Variants in RYK observed in about 807,000 individuals in gnomAD.
RYK encodes inactive tyrosine-protein kinase RYK.
In RYK, 21 loss-of-function variants were observed where a neutral mutation model predicts 70.2. The ratio of observed to expected loss-of-function variants is 0.30; its 90% CI spans 0.21 to 0.43. RYK has a LOEUF of 0.43. Ranked by LOEUF, RYK falls within the 20% of genes least tolerant of loss-of-function variation. The pLI is 1.00. For synonymous variants in RYK, 267 were observed against 278.0 expected (o/e 0.96, Z 0.39); for missense variants, 604 against 753.3 (o/e 0.80, Z 2.32).
intron 2 of RYK, among the ~76,000 whole-genome samples, chr3:134,217,052 A>C (rs2014577582): frequency 6.6e-6 from 1 of 152,182 alleles, no homozygotes; most frequent in Non-Finnish European, 1.5e-5. Context: ...TAAGAGTAAG[A>C]CAGCTTCAAG....
At chr3:134,235,922 A>C (rs911829814) in intron 1 of RYK, among the ~76,000 whole-genome samples, 2 of 152,132 alleles carry the variant, frequency 1.3e-5, no homozygotes, top group African/African-American at 2.4e-5. Context: ...GTGACTGAGA[A>C]GGAAGGTAGG....
At chr3:134,180,395 C>T (rs755976948) in intron 10 of RYK, 2 of 152,130 alleles carry the variant, frequency 1.3e-5, no homozygotes, top group Non-Finnish European at 2.9e-5. Context: ...CTTCAATACG[C>T]GTACAATCCG....
intron 13 of RYK, among the ~76,000 whole-genome samples, chr3:134,166,257 C>T (rs1053955243): frequency 6.6e-6 from 1 of 152,146 alleles, no homozygotes; most frequent in Non-Finnish European, 1.5e-5. Context: ...AGCTCCCTCA[C>T]CCCTTATGCC....
At chr3:134,182,447 C>G (rs1487007751) in intron 10 of RYK, among the ~76,000 whole-genome samples, 1 of 151,940 alleles carries the variant, frequency 6.6e-6, no homozygotes, top group Non-Finnish European at 1.5e-5. Flanking sequence ...TGGACATGCA[C>G]TAAAAGTACT....
chr3:134,249,163 C>G (rs190926278), intron 1 of RYK, among the ~76,000 whole-genome samples: 178 of 152,256 alleles, frequency 1.2e-3, no homozygotes, highest in African/African-American at 4.0e-3. Flanking sequence ...CCAAGTACTA[C>G]CCCAAGTAGA....
At position 134,209,804 on chromosome 3, in the gene RYK, A is replaced by C. The variant is rs1363989735; in HGVS notation, c.480T>G (p.Thr160=). ...TCATAACTTCAGAATCTACTTTGCC[A>C]GTACAGGAAAGCTCTACCCGAAACA... ...LSVFRVELSC[T]GKVDSEVMIL... Residue 160 remains threonine, a synonymous_variant, in exon 4 of 15, where the codon ACT becomes ACG. Transcript: ENST00000623711. The C allele has an allele frequency of 6.6e-7, 1 of 1,506,408 alleles. No homozygotes were observed. Among genetic ancestry groups the C allele is most frequent in the South Asian group, 1.4e-5 (1 of 72,072 alleles). The allele number at this position is 1,506,408 out of a possible 1,614,324, so 93.3% of individuals were successfully genotyped here. A position where few individuals can be genotyped will look rare whatever the true frequency, so the allele number is the denominator to read the frequency against.
At chr3:134,230,860 G>A (rs1271638026) in intron 1 of RYK, among the ~76,000 whole-genome samples, 9 of 152,074 alleles carry the variant, frequency 5.9e-5, no homozygotes, top group Non-Finnish European at 8.8e-5. Context: ...TGGAAAAAAG[G>A]AATTAACACT....
rs1236974909 is a variant in RYK at position 134,246,339 on chromosome 3, CACACAG to C, written c.232+4078_232+4083del. Among the ~76,000 whole-genome samples, 40 of 139,630 alleles carry C rather than the reference CACACAG, an allele frequency of 2.9e-4. No individual in the cohort carries two copies. In the South Asian group the frequency reaches 5.3e-3, roughly 19 times the overall value. 91.6% of individuals were successfully genotyped at this position (139,630 alleles called of 152,430 possible). ...ACACACACACACACACACACACACA[CACACAG>C]AGAGAGAGAAAATAAAGGGTGGGAA... is the stretch of plus-strand genomic sequence containing the variant. On this transcript the variant is annotated intron_variant, in intron 1 of 14. Transcript: ENST00000623711.
At chr3:134,214,043 G>C (rs1054809468) in intron 2 of RYK, among the ~76,000 whole-genome samples, 1 of 152,212 alleles carries the variant, frequency 6.6e-6, no homozygotes, top group African/African-American at 2.4e-5. Flanking sequence ...CTGGCCCCAA[G>C]TGATCCACCT....
At chr3:134,197,058 A>C (rs1325062638) in intron 6 of RYK, among the ~76,000 whole-genome samples, 2 of 152,060 alleles carry the variant, frequency 1.3e-5, no homozygotes, top group Non-Finnish European at 2.9e-5. Context: ...TTAATGACAA[A>C]AACTGCAATT....
At chr3:134,185,647 T>C (rs1420442547) in intron 9 of RYK, among the ~76,000 whole-genome samples, 1 of 152,184 alleles carries the variant, frequency 6.6e-6, no homozygotes, top group Non-Finnish European at 1.5e-5. Context: ...TTCTATAACC[T>C]AAATAATTTC....
intron 1 of RYK, among the ~76,000 whole-genome samples, chr3:134,242,633 A>G (rs1192219948): frequency 6.6e-6 from 1 of 152,214 alleles, no homozygotes; most frequent in African/African-American, 2.4e-5. Flanking sequence ...TTTTCAGAAC[A>G]TTGGCGTAAC....
rs61405856 is a variant in RYK at position 134,175,300 on chromosome 3, G to A, written c.1575+309C>T. 4.1e-3 allele frequency among the ~76,000 whole-genome samples: 611 copies of A among 150,750 alleles called. 8 individuals are homozygous for A. The highest frequency in any genetic ancestry group is 0.013 in the African/African-American group (540 of 40,814). ...AGAGGTTGCAGTGAGCCAGGATTGC[G>A]CCATTGCACTCCAGCCTGGGCTACA... On this transcript the variant is annotated intron_variant, in intron 13 of 14. Coordinates refer to ENST00000623711, the MANE Select transcript of RYK (RefSeq NM_002958.4).
chr3:134,186,889 TA>T lies in RYK; in HGVS notation c.1102+1947del, dbSNP rs66714746. Among the ~76,000 whole-genome samples the T allele has an allele frequency of 3.1e-4, 46 of 149,248 alleles. 2 individuals are homozygous for T. The highest frequency in any genetic ancestry group is 9.5e-4 in the African/African-American group (39 of 40,846). ...AAATATTTGAATTAAGGAGTTTCCTTAAAAAAAAAATGAGAAAAGAGTAACA... is the reference window on the plus strand; with the variant it reads ...AAATATTTGAATTAAGGAGTTTCCTTAAAAAAAAATGAGAAAAGAGTAACA... On this transcript the variant is annotated intron_variant, in intron 9 of 14. Transcript: ENST00000623711.
chr3:134,232,167 C>T (rs1307493888), intron 1 of RYK, among the ~76,000 whole-genome samples: 2 of 152,126 alleles, frequency 1.3e-5, no homozygotes, highest in East Asian at 3.8e-4. Context: ...ATCTATAATC[C>T]TCTTGTTTCT....
chr3:134,213,081 T>C (rs2014450657), intron 2 of RYK, among the ~76,000 whole-genome samples: 1 of 152,168 alleles, frequency 6.6e-6, no homozygotes. Context: ...ATACCATTGC[T>C]GCCACCAGGG....
At chr3:134,200,870 G>A (rs1444845427) in intron 6 of RYK, among the ~76,000 whole-genome samples, 1 of 152,188 alleles carries the variant, frequency 6.6e-6, no homozygotes, top group Non-Finnish European at 1.5e-5. Context: ...GTAATGTCTG[G>A]AAACTTTTGC....
intron 13 of RYK, among the ~76,000 whole-genome samples, chr3:134,172,224 TA>T (rs1329254631): frequency 2.6e-5 from 4 of 152,156 alleles, no homozygotes; most frequent in Non-Finnish European, 4.4e-5. Flanking sequence ...AACTACGGAA[TA>T]AAATTTTCAA....
intron 1 of RYK, among the ~76,000 whole-genome samples, chr3:134,224,614 G>T (rs1395025961): frequency 1.3e-5 from 2 of 152,172 alleles, no homozygotes; most frequent in Non-Finnish European, 2.9e-5. Flanking sequence ...GAAAGGGAGA[G>T]TCCCTTTCCT....
Sources: allele counts gnomAD v4.1 joint callset (sites outside exome capture counted in the v4.1 genomes callset), GRCh38; gene constraint gnomAD v4.1.1; transcripts MANE v1.5; gene names NCBI Gene and HGNC (gene_info 2026-07-23, HGNC 2026-07-21).